Variants in SOX5 observed in about 807,000 individuals in gnomAD.
The protein encoded by SOX5 is SRY-box transcription factor 5, also known as transcription factor SOX-5.
Under a neutral mutation model 92.0 loss-of-function variants are expected in SOX5, and 9 were observed. The observed-to-expected ratio is 0.10, with a 90% CI of 0.06 to 0.17. SOX5 has a LOEUF of 0.17. Ranked by LOEUF, SOX5 falls within the 10% of genes least tolerant of loss-of-function variation. The pLI, the probability that SOX5 is intolerant of heterozygous loss-of-function variation, is 1.00. For synonymous variants in SOX5, 344 were observed against 336.3 expected, an observed-to-expected ratio of 1.02 and a Z score of -0.25; for missense variants, 642 against 944.5, an observed-to-expected ratio of 0.68 and a Z score of 4.20.
intron 4 of SOX5, among the ~76,000 whole-genome samples, chr12:24,069,544 A>G (rs906640754): frequency 6.6e-6 from 1 of 152,214 alleles, no homozygotes; most frequent in African/African-American, 2.4e-5. Context: ...GTCTCCCAAA[A>G]TGACATAGCA....
intron 1 of SOX5, among the ~76,000 whole-genome samples, chr12:24,501,918 C>T (rs988308234): frequency 2.0e-5 from 3 of 152,018 alleles, no homozygotes; most frequent in African/African-American, 4.8e-5. Flanking sequence ...AATTAATTGT[C>T]GATAAAAACT....
intron 1 of SOX5, among the ~76,000 whole-genome samples, chr12:24,530,240 C>CA (rs923806893): frequency 3.9e-5 from 6 of 152,090 alleles, no homozygotes; most frequent in African/African-American, 1.2e-4. Flanking sequence ...TTTATTCTCA[C>CA]AAAAAATTCT....
chr12:23,977,950 T>G (rs1949100696), intron 4 of SOX5, among the ~76,000 whole-genome samples: 1 of 152,198 alleles, frequency 6.6e-6, no homozygotes, highest in Non-Finnish European at 1.5e-5. Context: ...GAAAATGTGT[T>G]GTGAATTCCA....
intron 4 of SOX5, among the ~76,000 whole-genome samples, chr12:24,013,038 CA>C (rs893376109): frequency 6.6e-6 from 1 of 151,962 alleles, no homozygotes; most frequent in South Asian, 2.1e-4. Flanking sequence ...CCAACATGAA[CA>C]AAAAAAGTTT....
chr12:23,950,991 A>T (rs1945535461), upstream of SOX5: 2 of 777,172 alleles, frequency 2.6e-6, no homozygotes, highest in South Asian at 3.1e-5. Context: ...ACACACACAC[A>T]CACACACACA....
intron 2 of SOX5, among the ~76,000 whole-genome samples, chr12:24,337,974 G>A (rs560322120): frequency 4.6e-5 from 7 of 152,206 alleles, no homozygotes; most frequent in South Asian, 2.1e-4. Context: ...CTTCTAGACT[G>A]AGATGTACTC....
chr12:24,558,757 T>A (rs1954055187), intron 1 of SOX5, among the ~76,000 whole-genome samples: 1 of 152,100 alleles, frequency 6.6e-6, no homozygotes, highest in African/African-American at 2.4e-5. Context: ...TTACGTTACA[T>A]CACACACACA....
At chr12:23,965,828 A>G (rs778940507) in intron 4 of SOX5, among the ~76,000 whole-genome samples, 7 of 152,024 alleles carry the variant, frequency 4.6e-5, no homozygotes, top group South Asian at 2.1e-4. Context: ...TATGTTGGCC[A>G]GGCTGGTCTT....
Position 24,259,245 on chromosome 12 carries a change from CGA to C in SOX5, c.-77+17969_-77+17970del, listed in dbSNP as rs149758171. On this transcript the variant is annotated intron_variant, in intron 3 of 4. Transcript: ENST00000446891. ...GCGAGCGAGAGAGAGAGCAAGTGAG[CGA>C]GAGAGAGAGCGCGCACATGGTTTTG... Among the ~76,000 whole-genome samples the C allele has an allele frequency of 1.4e-3, 212 of 151,940 alleles. 1 individual carries two copies. In the East Asian group the frequency reaches 0.025, roughly 18 times the overall value.
intron 1 of SOX5, among the ~76,000 whole-genome samples, chr12:24,428,728 A>AAAAAAAAAAAAAAAAAAAAAAAAAAAC (rs1967035717): frequency 4.1e-5 from 1 of 24,256 alleles, no homozygotes; most frequent in African/African-American, 1.9e-4. Flanking sequence ...CTGTTTCTCA[A>AAAAAAAAAAAAAAAAAAAAAAAAAAAC]AAAAAAAAAA....
intron 3 of SOX5, among the ~76,000 whole-genome samples, chr12:23,826,171 C>T (rs1056077564): frequency 6.8e-6 from 1 of 146,316 alleles, no homozygotes; most frequent in Non-Finnish European, 1.5e-5. Flanking sequence ...CTATCCCTCC[C>T]CCCTCCCCCT....
chr12:24,203,326 G>A (rs1463632313), intron 4 of SOX5, among the ~76,000 whole-genome samples: 3 of 152,102 alleles, frequency 2.0e-5, no homozygotes, highest in Admixed American at 2.0e-4. Flanking sequence ...TTTATGACAT[G>A]TTTCTGGTTC....
chr12:24,420,662 A>G (rs1351626205), intron 1 of SOX5, among the ~76,000 whole-genome samples: 1 of 152,196 alleles, frequency 6.6e-6, no homozygotes, highest in Non-Finnish European at 1.5e-5. Flanking sequence ...CTGAGAAGTA[A>G]CTGTCTATTT....
intron 3 of SOX5, among the ~76,000 whole-genome samples, chr12:23,804,736 G>A (rs982968915): frequency 6.6e-6 from 1 of 151,456 alleles, no homozygotes; most frequent in African/African-American, 2.4e-5. Context: ...CTCCCCTGAT[G>A]GAACTACTGA....
chr12:23,904,881 T>C (rs2097275098), intron 1 of SOX5, among the ~76,000 whole-genome samples: 1 of 152,190 alleles, frequency 6.6e-6, no homozygotes, highest in Non-Finnish European at 1.5e-5. Flanking sequence ...TCACTACTTT[T>C]ACCAAATAGC....
chr12:23,547,401 CAT>C (rs991795057), intron 11 of SOX5, among the ~76,000 whole-genome samples: 4 of 152,012 alleles, frequency 2.6e-5, no homozygotes, highest in African/African-American at 7.2e-5. Context: ...TTCTGAGGAA[CAT>C]AGTCATGAAT....
chr12:24,109,398 ATTTATC>A (rs147058177), intron 4 of SOX5, among the ~76,000 whole-genome samples: 8,966 of 152,170 alleles, frequency 0.059, 303 homozygotes, highest in Admixed American at 0.13. Flanking sequence ...TGTTTAAGAT[ATTTATC>A]TTTATCTAAG....
chr12:24,489,816 G>A (rs1946873674), intron 1 of SOX5, among the ~76,000 whole-genome samples: 1 of 152,158 alleles, frequency 6.6e-6, no homozygotes, highest in African/African-American at 2.4e-5. Flanking sequence ...CTACAAAGGG[G>A]TGTATGCTTT....
At chr12:23,906,844 A>C (rs1169402697) in intron 1 of SOX5, among the ~76,000 whole-genome samples, 1 of 152,146 alleles carries the variant, frequency 6.6e-6, no homozygotes, top group Non-Finnish European at 1.5e-5. Context: ...TTAAGGAAAT[A>C]AAGACAGTAT....
Sources: allele counts gnomAD v4.1 joint callset (sites outside exome capture counted in the v4.1 genomes callset), GRCh38; gene constraint gnomAD v4.1.1; transcripts MANE v1.5; gene names NCBI Gene and HGNC (gene_info 2026-07-23, HGNC 2026-07-21).